Variants in ERC1 observed in about 807,000 individuals in gnomAD.
ERC1 encodes the protein RAB6 interacting protein 2.
Under a neutral mutation model 132.0 loss-of-function variants are expected in ERC1, and 56 were observed. The observed-to-expected ratio is 0.42, with a 90% confidence interval of 0.34 to 0.53. ERC1 has a LOEUF of 0.53. ERC1 is among the 20% of genes least tolerant of loss of function. ERC1 has a pLI of 0.03. For synonymous variants in ERC1, 478 were observed against 476.1 expected (o/e 1.00, Z -0.05); for missense variants, 1,202 against 1,349.9 (o/e 0.89, Z 1.72).
At position 1,283,187 on chromosome 12, in the gene ERC1, A is replaced by T. The variant is rs538760389; in HGVS notation, c.2620-6665A>T. Among the ~76,000 whole-genome samples the T allele has an allele frequency of 2.6e-5, 4 of 152,284 alleles. No homozygotes were observed. In the East Asian group the frequency reaches 7.7e-4, roughly 29 times the overall value. ...CCATCTGGTCCTGCTGGCACTGCAC[A>T]CTGTCAGGCCCCGTGCTTTCTGCTT... On this transcript the variant is annotated intron_variant, in intron 14 of 18. Coordinates refer to ENST00000360905, the MANE Select transcript of ERC1 (RefSeq NM_178040.4).
chr12:1,188,264 C>T (rs181465830), intron 11 of ERC1, among the ~76,000 whole-genome samples: 107 of 152,224 alleles, frequency 7.0e-4, no homozygotes, highest in Non-Finnish European at 1.1e-3. Flanking sequence ...TCAATCTCTT[C>T]GCCTTTGTTG....
chr12:1,084,094 G>T (rs907838473), intron 3 of ERC1, among the ~76,000 whole-genome samples: 2 of 152,216 alleles, frequency 1.3e-5, no homozygotes, highest in Non-Finnish European at 2.9e-5. Flanking sequence ...ATCATTGGCT[G>T]CCATGGAGGC....
At chr12:1,470,128 A>G (rs537531562) in intron 18 of ERC1, among the ~76,000 whole-genome samples, 5 of 151,982 alleles carry the variant, frequency 3.3e-5, no homozygotes, top group African/African-American at 1.2e-4. Context: ...ACTAAAAAAA[A>G]AAAAAATCCA....
chr12:1,278,264 C>T (rs559582380), intron 14 of ERC1, among the ~76,000 whole-genome samples: 20 of 152,314 alleles, frequency 1.3e-4, no homozygotes, highest in African/African-American at 4.8e-4. Context: ...CATGTTTAGA[C>T]TTCTCCTTCT....
At chr12:1,014,172 G>T (rs952959959) in intron 1 of ERC1, among the ~76,000 whole-genome samples, 5 of 147,466 alleles carry the variant, frequency 3.4e-5, no homozygotes, top group African/African-American at 7.4e-5. Flanking sequence ...AAAAATGTAA[G>T]TTTTTTTTTT....
At chr12:1,287,516 G>T (rs749678674) in intron 14 of ERC1, among the ~76,000 whole-genome samples, 1 of 152,160 alleles carries the variant, frequency 6.6e-6, no homozygotes, top group Non-Finnish European at 1.5e-5. Flanking sequence ...TGATGTGGGT[G>T]GGCCTTATCC....
intron 15 of ERC1, among the ~76,000 whole-genome samples, chr12:1,303,020 G>T (rs1348255841): frequency 6.6e-6 from 1 of 152,110 alleles, no homozygotes; most frequent in East Asian, 1.9e-4. Context: ...CAGTAGCGTT[G>T]TGTCTTAAAA....
At chr12:1,007,776 A>G (rs1469196867) in intron 1 of ERC1, among the ~76,000 whole-genome samples, 1 of 148,472 alleles carries the variant, frequency 6.7e-6, no homozygotes, top group Non-Finnish European at 1.5e-5. Flanking sequence ...AGCCACACAA[A>G]TATAGAATTA....
At chr12:1,427,437 T>G (rs1260370089) in intron 17 of ERC1, among the ~76,000 whole-genome samples, 1 of 152,244 alleles carries the variant, frequency 6.6e-6, no homozygotes, top group Non-Finnish European at 1.5e-5. Flanking sequence ...ATATCACAGA[T>G]CAGCATTACT....
At chr12:1,213,289 A>G (rs1958050579) in intron 12 of ERC1, among the ~76,000 whole-genome samples, 1 of 152,210 alleles carries the variant, frequency 6.6e-6, no homozygotes, top group Admixed American at 6.5e-5. Flanking sequence ...GCACTTTCAC[A>G]TTCACCATCT....
intron 15 of ERC1, among the ~76,000 whole-genome samples, chr12:1,314,191 A>G (rs1448669103): frequency 2.0e-5 from 3 of 152,158 alleles, no homozygotes; most frequent in Non-Finnish European, 2.9e-5. Flanking sequence ...TAAGAAAAAT[A>G]CTTACCCTAT....
intron 8 of ERC1, 147 bp from the exon 9 acceptor site, chr12:1,180,393 G>C: frequency 1.4e-6 from 1 of 724,610 alleles, no homozygotes; most frequent in Non-Finnish European, 2.2e-6. Flanking sequence ...ATGTAATTCT[G>C]AAACTCTTAG....
At chr12:1,259,950 T>C (rs2077045346) in intron 13 of ERC1, among the ~76,000 whole-genome samples, 2 of 152,238 alleles carry the variant, frequency 1.3e-5, no homozygotes, top group Non-Finnish European at 2.9e-5. Context: ...CTGTTTTTCT[T>C]GGAAACATTC....
chr12:1,380,894 TAGCA>T (rs1274022910), intron 16 of ERC1: 2 of 152,222 alleles, frequency 1.3e-5, no homozygotes, highest in Non-Finnish European at 2.9e-5. Context: ...GAAAATTAAA[TAGCA>T]AGTATCGCAG....
chr12:1,396,960 A>T (rs2090595682), intron 16 of ERC1, among the ~76,000 whole-genome samples: 1 of 152,204 alleles, frequency 6.6e-6, no homozygotes, highest in African/African-American at 2.4e-5. Flanking sequence ...GAAGGAGCCC[A>T]GAGTCAGCTC....
chr12:1,036,391 T>G (rs2154155534), intron 2 of ERC1, among the ~76,000 whole-genome samples: 1 of 151,736 alleles, frequency 6.6e-6, no homozygotes, highest in African/African-American at 2.4e-5. Flanking sequence ...TTTTTTTTTT[T>G]GAGACAGAGT....
chr12:1,078,955 A>G (rs1349365537), intron 2 of ERC1, among the ~76,000 whole-genome samples: 1 of 151,950 alleles, frequency 6.6e-6, no homozygotes, highest in African/African-American at 2.4e-5. Context: ...GATTTGTAAT[A>G]TGACAAAAGT....
chr12:1,215,484 A>G (rs970325292), intron 12 of ERC1, among the ~76,000 whole-genome samples: 18 of 152,170 alleles, frequency 1.2e-4, no homozygotes, highest in African/African-American at 4.1e-4. Flanking sequence ...ATTGCATTCA[A>G]TTTGGGAACT....
At chr12:1,256,707 A>C (rs1029108805) in intron 13 of ERC1, among the ~76,000 whole-genome samples, 1 of 150,876 alleles carries the variant, frequency 6.6e-6, no homozygotes, top group Non-Finnish European at 1.5e-5. Flanking sequence ...CATAATGCAT[A>C]TCTTGCTGGT....
Sources: allele counts gnomAD v4.1 joint callset (sites outside exome capture counted in the v4.1 genomes callset), GRCh38; gene constraint gnomAD v4.1.1; transcripts MANE v1.5; gene names NCBI Gene and HGNC (gene_info 2026-07-23, HGNC 2026-07-21).